Variants in FHIT observed in about 807,000 individuals in gnomAD.
FHIT encodes the protein fragile histidine triad diadenosine triphosphatase.
FHIT carries 19 observed loss-of-function variants against 17.9 expected under a neutral mutation model. The observed-to-expected ratio is 1.06, with a 90% CI of 0.74 to 1.56. The LOEUF (loss-of-function observed/expected upper bound fraction) is 1.56. Ranked by LOEUF, FHIT falls within the 40% of genes most tolerant of loss-of-function variation. The probability of loss-of-function intolerance (pLI) is 0.00; values close to 1 mark genes in which losing one functional copy is unlikely to be tolerated. For missense variants in FHIT, 248 were observed against 189.2 expected, an observed-to-expected ratio of 1.31 and a Z score of -1.82; for synonymous variants, 81 against 69.7, an observed-to-expected ratio of 1.16 and a Z score of -0.81.
intron 7 of FHIT, among the ~76,000 whole-genome samples, chr3:59,985,671 G>C (rs1236591161): frequency 2.0e-5 from 3 of 152,104 alleles, no homozygotes; most frequent in East Asian, 3.9e-4. Context: ...GACTTAAACA[G>C]AAAATTAAAA....
chr3:60,613,469 T>C (rs2038847646), intron 4 of FHIT, among the ~76,000 whole-genome samples: 1 of 152,002 alleles, frequency 6.6e-6, no homozygotes, highest in South Asian at 2.1e-4. Context: ...AAGCTCAGGG[T>C]TTAGCAAGTT....
chr3:60,260,599 T>C (rs73099457), intron 5 of FHIT, among the ~76,000 whole-genome samples: 22,593 of 152,024 alleles, frequency 0.15, 2,083 homozygotes, highest in Middle Eastern at 0.21. Context: ...AAATATATTA[T>C]GCTATTTTTT....
At chr3:60,785,487 T>C (rs1700535622) in intron 4 of FHIT, among the ~76,000 whole-genome samples, 1 of 152,180 alleles carries the variant, frequency 6.6e-6, no homozygotes, top group African/African-American at 2.4e-5. Flanking sequence ...GTACTGATAT[T>C]AGCCATGGAC....
At chr3:60,130,241 A>G (rs113212003) in intron 5 of FHIT, among the ~76,000 whole-genome samples, 13 of 152,166 alleles carry the variant, frequency 8.5e-5, no homozygotes, top group African/African-American at 2.9e-4. Flanking sequence ...TGGTTTTCTC[A>G]TCTCTAAAAC....
intron 5 of FHIT, among the ~76,000 whole-genome samples, chr3:60,448,555 C>T (rs901440195): frequency 2.6e-5 from 4 of 152,060 alleles, no homozygotes; most frequent in Non-Finnish European, 5.9e-5. Context: ...GAAAATGAAG[C>T]AGAGAGTGGG....
rs767662319 is a variant in FHIT, at chr3:61,177,355, G to C, written c.-164+23262C>G. Among the ~76,000 whole-genome samples the C allele has an allele frequency of 2.6e-5, 4 of 152,150 alleles. No homozygotes were observed. The East Asian group carries it at 7.7e-4, about 29-fold the overall frequency. ...AAACCTGAGTCTGCCTGATACAAGG[G>C]AAGGCATGTAAAAATACTTCTTAGT... On this transcript the variant is annotated intron_variant, in intron 2 of 9. Transcript: ENST00000492590.
chr3:60,093,737 G>GCTC (rs1703826207), intron 5 of FHIT, among the ~76,000 whole-genome samples: 1 of 152,146 alleles, frequency 6.6e-6, no homozygotes, highest in Non-Finnish European at 1.5e-5. Context: ...TAGAATGCGG[G>GCTC]CTCCTTATGA....
chr3:61,106,333 T>C (rs2035986654), intron 2 of FHIT, among the ~76,000 whole-genome samples: 1 of 152,206 alleles, frequency 6.6e-6, no homozygotes, highest in Non-Finnish European at 1.5e-5. Flanking sequence ...AGATCTATTC[T>C]CTTAGCAATT....
chr3:59,890,073 T>G (rs986705160), intron 8 of FHIT, among the ~76,000 whole-genome samples: 1 of 152,330 alleles, frequency 6.6e-6, no homozygotes, highest in African/African-American at 2.4e-5. Context: ...TACAACAAGT[T>G]AACAGCACTG....
At chr3:59,783,857 T>G (rs548173019) in intron 8 of FHIT, among the ~76,000 whole-genome samples, 1 of 152,302 alleles carries the variant, frequency 6.6e-6, no homozygotes, top group African/African-American at 2.4e-5. Flanking sequence ...GAAACCTCCC[T>G]GACGCTTTGG....
intron 1 of FHIT, among the ~76,000 whole-genome samples, chr3:61,241,048 G>A (rs1173018591): frequency 2.0e-5 from 3 of 152,148 alleles, no homozygotes; most frequent in African/African-American, 2.4e-5. Flanking sequence ...TAACTGACAG[G>A]CAGAGACTAA....
At chr3:60,495,968 A>G (rs1267517246) in intron 5 of FHIT, among the ~76,000 whole-genome samples, 1 of 152,188 alleles carries the variant, frequency 6.6e-6, no homozygotes, top group African/African-American at 2.4e-5. Flanking sequence ...GAAGAAAAGT[A>G]GATTCATAAT....
At chr3:60,005,424 C>T (rs528063260) in intron 7 of FHIT, among the ~76,000 whole-genome samples, 1 of 152,044 alleles carries the variant, frequency 6.6e-6, no homozygotes, top group South Asian at 2.1e-4. Context: ...GAGCTGGGGA[C>T]TGGGGGTTTT....
Position 61,125,322 on chromosome 3 carries a change from T to C in FHIT, c.-164+75295A>G, listed in dbSNP as rs531385876. Among the ~76,000 whole-genome samples the C allele has an allele frequency of 7.2e-5, 11 of 152,360 alleles. No homozygotes were observed. In the East Asian group the frequency reaches 1.9e-3, roughly 27 times the overall value. Reference sequence around the variant, plus strand: ...AGAGAAGGAAGCTAAAACTACCTTATGTTAGGCATATGCATACTTGAAAAC... The same window carrying C: ...AGAGAAGGAAGCTAAAACTACCTTACGTTAGGCATATGCATACTTGAAAAC... On this transcript the variant is annotated intron_variant, in intron 2 of 9. Transcript: ENST00000492590.
intron 2 of FHIT, among the ~76,000 whole-genome samples, chr3:61,147,424 T>G (rs546545428): frequency 4.6e-5 from 7 of 152,054 alleles, no homozygotes; most frequent in Non-Finnish European, 1.0e-4. Flanking sequence ...AAATGATGTA[T>G]TTTTCTGTCA....
intron 2 of FHIT, among the ~76,000 whole-genome samples, chr3:61,126,117 T>C (rs1396813523): frequency 1.3e-5 from 2 of 152,134 alleles, no homozygotes; most frequent in African/African-American, 4.8e-5. Context: ...AGCTTCTGGT[T>C]GGTATCTATG....
At chr3:61,135,537 A>C (rs2036890490) in intron 2 of FHIT, among the ~76,000 whole-genome samples, 1 of 152,094 alleles carries the variant, frequency 6.6e-6, no homozygotes, top group Non-Finnish European at 1.5e-5. Context: ...AACCTATTTC[A>C]TTTTAAGTGT....
At chr3:60,928,472 C>A (rs1707771864) in intron 3 of FHIT, among the ~76,000 whole-genome samples, 1 of 151,524 alleles carries the variant, frequency 6.6e-6, no homozygotes, top group South Asian at 2.1e-4. Context: ...TCACTTGAGC[C>A]TGGGAGGCAG....
At chr3:60,286,268 T>C (rs1309591611) in intron 5 of FHIT, among the ~76,000 whole-genome samples, 2 of 152,214 alleles carry the variant, frequency 1.3e-5, no homozygotes, top group Non-Finnish European at 2.9e-5. Context: ...TCTTTGACTA[T>C]TTTTCTATTG....
Sources: allele counts gnomAD v4.1 joint callset (sites outside exome capture counted in the v4.1 genomes callset), GRCh38; gene constraint gnomAD v4.1.1; transcripts MANE v1.5; gene names NCBI Gene and HGNC (gene_info 2026-07-23, HGNC 2026-07-21).